STKLD1: variants seen among roughly 807,000 people sequenced by gnomAD.
The protein encoded by STKLD1 is serine/threonine kinase-like domain-containing protein STKLD1.
A neutral mutation model predicts 80.4 loss-of-function variants in STKLD1; 79 were observed. The ratio of observed to expected loss-of-function variants is 0.98; its 90% CI spans 0.82 to 1.19. The LOEUF is 1.19. Ranked by LOEUF, STKLD1 falls within the 50% of genes most tolerant of loss-of-function variation. STKLD1 has a pLI of 0.00. For missense variants in STKLD1, 841 were observed against 856.0 expected, an observed-to-expected ratio of 0.98 and a Z score of 0.22; for synonymous variants, 393 against 357.6, an observed-to-expected ratio of 1.10 and a Z score of -1.12.
At chr9:133,404,377 C>G (rs1838787920) in intron 16 of STKLD1, among the ~76,000 whole-genome samples, 1 of 152,182 alleles carries the variant, frequency 6.6e-6, no homozygotes, top group Non-Finnish European at 1.5e-5. Context: ...TTCCCCACAA[C>G]ACAAACCCTG....
chr9:133,387,660 T>G (rs1173921544), intron 5 of STKLD1, 112 bp downstream of exon 5: 6 of 834,806 alleles, frequency 7.2e-6, no homozygotes, highest in Non-Finnish European at 1.2e-5. Context: ...TCCAGCCTTG[T>G]TTTTTTCTTA....
At chr9:133,402,554 C>G (rs1554777871) in intron 13 of STKLD1, among the ~76,000 whole-genome samples, 1 of 152,260 alleles carries the variant, frequency 6.6e-6, no homozygotes, top group Non-Finnish European at 1.5e-5. Flanking sequence ...AGGGCCCCGT[C>G]ATGGTTCCAT....
At position 133,389,292 on chromosome 9, in the gene STKLD1, A is replaced by G. The variant is rs2130283721; in HGVS notation, c.397-234A>G. On this transcript the variant is annotated intron_variant, in intron 5 of 17. Transcript: ENST00000371957. The surrounding 1 kb of genome is among the most constrained non-coding windows in gnomAD (Gnocchi z 6.4). ...AGCACCCAGGGTCTCTGGTATGGAG[A>G]CAGCAGTGTGGAGTCTGGAAACTCA... is the stretch of plus-strand genomic sequence containing the variant. 16 of 985,174 alleles carry G rather than the reference A, an allele frequency of 1.6e-5. No homozygotes were observed. The African/African-American group carries it at 2.6e-4, about 16-fold the overall frequency. The allele number at this position is 985,174 out of a possible 1,614,324, so 61.0% of individuals were successfully genotyped here. A position where few individuals can be genotyped will look rare whatever the true frequency, so the allele number is the denominator to read the frequency against.
rs1838247783 is a variant in STKLD1, at chr9:133,385,653, T to G, written c.256T>G (p.Ser86Ala). ...PLLKLRHAHI[S>A]VYQELFITWN... is the part of the protein sequence containing the mutation. ...GCTGAAGCTGCGGCACGCCCACATC[T>G]CTGTGTACCAGGAGCTGTTCATCAC... Residue 86 changes from serine to alanine, a missense_variant, in exon 4 of 18, where the codon TCT becomes GCT. Ser to Ala is a moderately conservative substitution (Grantham distance 99). Coordinates refer to ENST00000371957, the MANE Select transcript of STKLD1 (RefSeq NM_153710.5). The surrounding 1 kb of genome is among the most constrained non-coding windows in gnomAD (Gnocchi z 4.9). 6.2e-7 allele frequency: 1 copy of G among 1,613,226 alleles called. No individual in the cohort carries two copies. Among genetic ancestry groups the G allele is most frequent in the Non-Finnish European group, 8.5e-7 (1 of 1,180,004 alleles).
intron 1 of STKLD1, among the ~76,000 whole-genome samples, chr9:133,378,641 G>A (rs1487673736): frequency 1.3e-5 from 2 of 152,274 alleles, no homozygotes; most frequent in East Asian, 1.9e-4. Context: ...GATTGTACCA[G>A]TCACAAGATT....
chr9:133,387,341 G>A (rs2130279197), intron 4 of STKLD1, 106 bp from the exon 5 acceptor site: 17 of 820,628 alleles, frequency 2.1e-5, no homozygotes, highest in East Asian at 7.6e-5. Flanking sequence ...GTGCTCCCAC[G>A]GCCACTGCAA....
Position 133,390,242 on chromosome 9 carries a change from CA to C in STKLD1, c.468-438del. On this transcript the variant is annotated intron_variant, in intron 6 of 17. Transcript: ENST00000371957. This position sits in a 1 kb window ranked among gnomAD's most constrained non-coding sequence, Gnocchi z 5.1. ...ACACACACACACACACACACACACA[CA>C]CACACACACCACGCAGACCATACGT... Among the ~76,000 whole-genome samples the C allele has an allele frequency of 1.7e-5, 2 of 114,934 alleles. No homozygotes were observed. The highest frequency in any genetic ancestry group is 3.7e-5 in the African/African-American group (1 of 26,682). 75.4% of individuals were successfully genotyped at this position (114,934 alleles called of 152,430 possible).
In STKLD1 at chr9:133,390,868, G is replaced by A. The variant is rs1838375536; in HGVS notation, c.583+72G>A. The A allele has an allele frequency of 8.5e-7, 1 of 1,176,002 alleles. No individual in the cohort carries two copies. The highest frequency in any genetic ancestry group is 1.5e-5 in the African/African-American group (1 of 66,402). 72.8% of individuals were successfully genotyped at this position (1,176,002 alleles called of 1,614,324 possible). On this transcript the variant is annotated intron_variant, in intron 7 of 17. Coordinates refer to ENST00000371957, the MANE Select transcript of STKLD1 (RefSeq NM_153710.5). The surrounding 1 kb of genome is among the most constrained non-coding windows in gnomAD (Gnocchi z 5.1). ...AATCCAGGCGGCGTTGGCCACTCTG[G>A]GTGCTGGAGTGAGGCAACATCAAAC... is the stretch of plus-strand genomic sequence containing the variant.
Position 133,404,771 on chromosome 9 carries a change from C to G in STKLD1, c.1733-18C>G. 6.2e-7 allele frequency: 1 copy of G among 1,610,992 alleles called. No homozygotes were observed. Among genetic ancestry groups the G allele is most frequent in the Non-Finnish European group, 8.5e-7 (1 of 1,179,298 alleles). The stretch of plus-strand genomic sequence containing the variant: ...CAGGGGAAAGCAGGGAATGAACCCA[C>G]TCCCACCCATCCCCCAGAGCTGGCG... On this transcript the variant is annotated intron_variant, in intron 16 of 17. Coordinates refer to ENST00000371957, the MANE Select transcript of STKLD1 (RefSeq NM_153710.5).
chr9:133,397,236 G>T lies in STKLD1; in HGVS notation c.939G>T (p.Gln313His), dbSNP rs113183866. 5,432 of 1,613,908 alleles carry T rather than the reference G, an allele frequency of 3.4e-3. 154 individuals are homozygous for T. In the African/African-American group the frequency reaches 0.063, roughly 19 times the overall value. ...GCGTCTCTCTGACCCTGCACCGGCA[G>T]ATGGTGCCTGCGTCCATCACCGACA... ...SSCVSLTLHR[Q>H]MVPASITDML... The change falls in exon 10 of 18, where the codon CAG (glutamine) becomes CAT (histidine). Residue 313 changes from glutamine (Q) to histidine (H), a missense_variant. By Grantham distance (24) the Gln-to-His change is conservative. Coordinates refer to ENST00000371957, the MANE Select transcript of STKLD1 (RefSeq NM_153710.5).
chr9:133,378,012 C>T (rs1464704554), intron 1 of STKLD1, among the ~76,000 whole-genome samples: 1 of 152,170 alleles, frequency 6.6e-6, no homozygotes, highest in Admixed American at 6.5e-5. Context: ...TTCACACTCC[C>T]ATGAGAATCT....
At chr9:133,383,403 A>AG (rs1838195038) in intron 2 of STKLD1, among the ~76,000 whole-genome samples, 2 of 1,480 alleles carry the variant, frequency 1.4e-3, no homozygotes, top group African/African-American at 2.2e-3. Context: ...TGGTGATGAT[A>AG]TATGATGATG....
At position 133,403,696 on chromosome 9, in the gene STKLD1, C is replaced by G; in HGVS notation, c.1475-4C>G. ...GTCCCCTTCCATCCCTGTCCTCGTT[C>G]CAGGTATCATTGTGAACAAGGCCCC... On this transcript the variant is annotated splice_region_variant and splice_polypyrimidine_tract_variant and intron_variant, in intron 14 of 17. Transcript: ENST00000371957. The G allele has an allele frequency of 1.9e-6, 3 of 1,612,516 alleles. No individual in the cohort carries two copies. The highest frequency in any genetic ancestry group is 2.5e-6 in the Non-Finnish European group (3 of 1,179,004).
At chr9:133,386,959 T>C (rs116800604) in intron 4 of STKLD1, among the ~76,000 whole-genome samples, 33 of 152,094 alleles carry the variant, frequency 2.2e-4, no homozygotes, top group African/African-American at 8.0e-4. Flanking sequence ...CCCAAAGATT[T>C]TCTGAGCACC....
At chr9:133,395,992 C>G (rs967002836) in intron 9 of STKLD1, 11 of 427,150 alleles carry the variant, frequency 2.6e-5, no homozygotes, top group African/African-American at 3.9e-5. Flanking sequence ...CCCCAGGAGG[C>G]ACAGGAGGCG....
At chr9:133,397,831 C>T in intron 10 of STKLD1, 141 bp from the exon 11 acceptor site, 3 of 647,688 alleles carry the variant, frequency 4.6e-6, no homozygotes, top group East Asian at 5.6e-5. Flanking sequence ...GGGATGGTAA[C>T]AGCCCCTCCC....
chr9:133,401,866 A>G lies in STKLD1; in HGVS notation c.1327A>G (p.Thr443Ala), dbSNP rs1588756535. ...LVMVYSLLAI[T>A]TTQESESLSE... is the part of the protein sequence containing the mutation. ...CATGGTCTACAGCCTGCTAGCCATC[A>G]CCACAACCCAGGGTGTGTCTGCCAG... is the stretch of plus-strand genomic sequence containing the variant. Residue 443 changes from threonine (T) to alanine (A), a missense_variant, in exon 13 of 18, where the codon ACC (threonine) becomes GCC (alanine). Coordinates refer to ENST00000371957, the MANE Select transcript of STKLD1 (RefSeq NM_153710.5). 1 of 1,613,300 alleles carries G rather than the reference A, an allele frequency of 6.2e-7. No homozygotes were observed. The highest frequency in any genetic ancestry group is 2.2e-5 in the East Asian group (1 of 44,864).
At chr9:133,387,153 G>A (rs1025173633) in intron 4 of STKLD1, among the ~76,000 whole-genome samples, 8 of 152,194 alleles carry the variant, frequency 5.3e-5, no homozygotes, top group African/African-American at 1.9e-4. Context: ...GGTGGGTAGT[G>A]GTCCAAGCAG....
Position 133,402,945 on chromosome 9 carries a change from C to G in STKLD1, c.1407C>G (p.Asn469Lys). The change falls in exon 14 of 18, where the codon AAC becomes AAG. Residue 469 changes from asparagine (N) to lysine (K), a missense_variant. Asn to Lys is a moderately conservative substitution (Grantham distance 94). Transcript: ENST00000371957. ...TGGAGCACATCCTGGAGCACCTCAA[C>G]AGCTCCCTCGAAAGCAGGGACGTCT... ...GLLEHILEHL[N>K]SSLESRDVCA... 1 of 1,584,102 alleles carries G rather than the reference C, an allele frequency of 6.3e-7. No homozygotes were observed. The highest frequency in any genetic ancestry group is 8.6e-7 in the Non-Finnish European group (1 of 1,165,270).
Sources: gnomAD v4.1 joint callset for allele counts (sites outside exome capture counted in the v4.1 genomes callset) on GRCh38, gnomAD v4.1.1 for gene constraint, Gnocchi (gnomAD v3.1) non-coding constraint, MANE v1.5 for transcripts, NCBI Gene and HGNC (gene_info 2026-07-23, HGNC 2026-07-21) for gene names.